The following VWA3A variants were observed in gnomAD, a reference collection of about 807,000 sequenced individuals.
VWA3A encodes the protein von Willebrand factor A domain containing 3A, also known as von Willebrand factor A domain-containing protein 3A.
Under a neutral mutation model 160.4 loss-of-function variants are expected in VWA3A, and 134 were observed. The observed-to-expected ratio is 0.84, with a 90% CI of 0.73 to 0.96. The LOEUF is 0.96. Ranked by LOEUF, VWA3A falls within the 40% of genes least tolerant of loss-of-function variation. The probability of loss-of-function intolerance (pLI) is 0.00; values close to 1 mark genes in which losing one functional copy is unlikely to be tolerated. For synonymous variants in VWA3A, 476 were observed against 543.4 expected (o/e 0.88, Z 1.72); for missense variants, 1,310 against 1,447.9 (o/e 0.90, Z 1.55).
At chr16:22,139,215 C>T (rs963003979) in intron 22 of VWA3A, among the ~76,000 whole-genome samples, 16 of 152,310 alleles carry the variant, frequency 1.1e-4, no homozygotes, top group African/African-American at 3.8e-4. Flanking sequence ...TGCCCTCGTT[C>T]GGGGAACTCT....
chr16:22,111,031 G>T, intron 8 of VWA3A, 37 bp downstream of exon 8: 2 of 1,536,790 alleles, frequency 1.3e-6, no homozygotes, highest in Non-Finnish European at 1.8e-6. Flanking sequence ...ATGTTCACTT[G>T]TTCATTTTCC....
intron 21 of VWA3A, among the ~76,000 whole-genome samples, chr16:22,135,828 C>T (rs992309914): frequency 6.6e-6 from 1 of 152,024 alleles, no homozygotes; most frequent in African/African-American, 2.4e-5. Context: ...CTCACTCTGT[C>T]GCCCAGGCTG....
intron 27 of VWA3A, 108 bp from the exon 28 acceptor site, chr16:22,148,054 C>G: frequency 7.4e-7 from 1 of 1,350,456 alleles, no homozygotes; most frequent in Non-Finnish European, 9.8e-7. Context: ...ATCAGGCAGG[C>G]AACAGGTGTC....
intron 6 of VWA3A, among the ~76,000 whole-genome samples, chr16:22,107,857 A>G (rs1419670743): frequency 1.3e-5 from 2 of 152,188 alleles, no homozygotes; most frequent in African/African-American, 2.4e-5. Context: ...AGGGCACGCC[A>G]GTATTGTGAC....
In VWA3A at chr16:22,131,932, G is replaced by C. The variant is rs184431487; in HGVS notation, c.1872+203G>C. Among the ~76,000 whole-genome samples the C allele has an allele frequency of 5.3e-3, 801 of 152,118 alleles. 3 individuals carry two copies. Among genetic ancestry groups the C allele is most frequent in the Non-Finnish European group, 7.4e-3 (503 of 68,000 alleles). On this transcript the variant is annotated intron_variant, in intron 19 of 33. Transcript: ENST00000389398. ...GGCAATATAGTGAGACCACATTTCT[G>C]TAAAAATTTTTAAAATAACCTGCCA...
intron 2 of VWA3A, 44 bp from the exon 3 acceptor site, chr16:22,097,528 T>C: frequency 6.5e-7 from 1 of 1,547,104 alleles, no homozygotes; most frequent in Non-Finnish European, 8.7e-7. Context: ...ATCAAACCTA[T>C]GCCCAGTGCT....
intron 20 of VWA3A, among the ~76,000 whole-genome samples, chr16:22,133,649 CAAAAAA>C (rs1230000179): frequency 0.011 from 911 of 82,060 alleles, 5 homozygotes; most frequent in Middle Eastern, 0.028. Context: ...AACTCTGTCT[CAAAAAA>C]AAAAAAAAAA....
chr16:22,130,700 C>T (rs1394002196), intron 17 of VWA3A, among the ~76,000 whole-genome samples: 1 of 152,084 alleles, frequency 6.6e-6, no homozygotes, highest in Non-Finnish European at 1.5e-5. Context: ...GCCTCCTGGA[C>T]TCAAGTGATC....
intron 19 of VWA3A, 189 bp from the exon 20 acceptor site, chr16:22,132,711 C>A: frequency 1.7e-6 from 1 of 601,660 alleles, no homozygotes; most frequent in South Asian, 2.3e-5. Context: ...AGGTCCAGCT[C>A]CCCAACCACA....
At chr16:22,125,095 A>G (rs529233211) in intron 16 of VWA3A, among the ~76,000 whole-genome samples, 1 of 151,940 alleles carries the variant, frequency 6.6e-6, no homozygotes, top group South Asian at 2.1e-4. Context: ...ACCCCAACCT[A>G]TGGCGGGCAT....
chr16:22,148,105 C>T lies in VWA3A; in HGVS notation c.2840-57C>T, dbSNP rs560622654. On this transcript the variant is annotated intron_variant, in intron 27 of 33. Coordinates refer to ENST00000389398, the MANE Select transcript of VWA3A (RefSeq NM_173615.5). ...TGATAGATAGAGTGAGGGAAACCACCCAGGAGGAGGGACCCCTCACTCCCT... is the reference window on the plus strand; with the variant it reads ...TGATAGATAGAGTGAGGGAAACCACTCAGGAGGAGGGACCCCTCACTCCCT... 1,403 of 1,517,118 alleles carry T rather than the reference C, an allele frequency of 9.2e-4. 2 individuals are homozygous for T. The highest frequency in any genetic ancestry group is 1.1e-3 in the Non-Finnish European group (1,301 of 1,132,016). The allele number at this position is 1,517,118 out of a possible 1,614,324, so 94.0% of individuals were successfully genotyped here.
rs900328333 is a variant in VWA3A at position 22,098,911 on chromosome 16, C to CAAAAAAAA, written c.225+1236_225+1243dup. ...GCAACATGGTGAAACCCTGTTTCCA[C>CAAAAAAAA]AAAAAAAAAAAAAAAAAAAAAAAAA... On this transcript the variant is annotated intron_variant, in intron 3 of 33. Transcript: ENST00000389398. Among the ~76,000 whole-genome samples the CAAAAAAAA allele has an allele frequency of 1.2e-4, 5 of 41,056 alleles. 1 individual carries two copies. The highest frequency in any genetic ancestry group is 3.2e-4 in the Admixed American group (1 of 3,116). The allele number at this position is 41,056 out of a possible 152,430, so 26.9% of individuals were successfully genotyped here.
Position 22,092,616 on chromosome 16 carries a change from T to G in VWA3A, c.-22T>G, listed in dbSNP as rs1274908476. On this transcript the variant is annotated 5_prime_UTR_variant, in exon 1 of 34. Transcript: ENST00000389398. ...AAGGCCCTGGAGTGCCAGGAGCCCT[T>G]CTCCCAAAGATGGAGAAATAAATGA... 1 of 1,550,230 alleles carries G rather than the reference T, an allele frequency of 6.5e-7. No homozygotes were observed. Among genetic ancestry groups the G allele is most frequent in the Non-Finnish European group, 8.7e-7 (1 of 1,146,182 alleles).
chr16:22,136,929 C>G (rs2046054937), intron 21 of VWA3A, among the ~76,000 whole-genome samples: 1 of 151,028 alleles, frequency 6.6e-6, no homozygotes, highest in Non-Finnish European at 1.5e-5. Flanking sequence ...GCAAAATTAG[C>G]TGGGTGTGGT....
chr16:22,138,513 G>A lies in VWA3A; in HGVS notation c.2292+1G>A. On this transcript the variant is annotated splice_donor_variant, in intron 22 of 33. Transcript: ENST00000389398. LOFTEE classifies it high-confidence loss of function. The stretch of plus-strand genomic sequence containing the variant: ...CACCGTCCCCCTGGGGGCCAGAATG[G>A]TTTGACTCCCCTCCTAATAACACGC... The A allele has an allele frequency of 6.2e-7, 1 of 1,613,832 alleles. No homozygotes were observed. Among genetic ancestry groups the A allele is most frequent in the South Asian group, 1.1e-5 (1 of 91,056 alleles).
intron 2 of VWA3A, 38 bp downstream of exon 2, chr16:22,096,983 T>TTTTG: frequency 9.2e-7 from 1 of 1,091,792 alleles, no homozygotes; most frequent in Non-Finnish European, 1.3e-6. Context: ...TTTTTTTTTT[T>TTTTG]GAGGCAGATT....
chr16:22,123,725 G>A lies in VWA3A; in HGVS notation c.1532+18G>A. The stretch of plus-strand genomic sequence containing the variant: ...GAAAAAAGGTACCTTTCTTAAGCAG[G>A]GTTCTTATCCTTCATGGGTCTGGTG... On this transcript the variant is annotated intron_variant, in intron 16 of 33. Transcript: ENST00000389398. 6.2e-7 allele frequency: 1 copy of A among 1,608,890 alleles called. No individual in the cohort carries two copies. The highest frequency in any genetic ancestry group is 8.5e-7 in the Non-Finnish European group (1 of 1,176,858).
chr16:22,147,606 T>A (rs2046276203), intron 27 of VWA3A: 2 of 703,100 alleles, frequency 2.8e-6, no homozygotes, highest in Admixed American at 4.0e-5. Context: ...GTATAGACAG[T>A]CCATGGACAG....
intron 14 of VWA3A, 108 bp downstream of exon 14, chr16:22,121,725 T>A (rs1453553104): frequency 1.2e-6 from 1 of 860,802 alleles, no homozygotes; most frequent in Non-Finnish European, 1.9e-6. Context: ...GATTCAGGCT[T>A]CCCACCCAGG....
Sources: allele counts gnomAD v4.1 joint callset (sites outside exome capture counted in the v4.1 genomes callset), GRCh38; gene constraint gnomAD v4.1.1; transcripts MANE v1.5; gene names NCBI Gene and HGNC (gene_info 2026-07-23, HGNC 2026-07-21).